Variants in WRAP73 observed in about 807,000 individuals in gnomAD.
WRAP73 encodes the protein WD repeat-containing protein WRAP73.
A neutral mutation model predicts 59.6 loss-of-function variants in WRAP73; 55 were observed. The ratio of observed to expected loss-of-function variants is 0.92; its 90% CI spans 0.74 to 1.15. The LOEUF (loss-of-function observed/expected upper bound fraction) is 1.15. WRAP73 is among the 50% of genes most tolerant of loss of function. The pLI is 0.00. For missense variants in WRAP73, 592 were observed against 608.1 expected, an observed-to-expected ratio of 0.97 and a Z score of 0.28; for synonymous variants, 265 against 258.2, an observed-to-expected ratio of 1.03 and a Z score of -0.25.
At chr1:3,633,058 G>A (rs768319549) in intron 9 of WRAP73, 9 of 300,190 alleles carry the variant, frequency 3.0e-5, no homozygotes, top group East Asian at 1.1e-4. Flanking sequence ...CGGGAGCACC[G>A]CCGGGTTCCA....
chr1:3,634,399 G>A (rs749076623), intron 8 of WRAP73: 8 of 162,782 alleles, frequency 4.9e-5, no homozygotes, highest in Non-Finnish European at 1.1e-4. Context: ...CGCAGTGCCC[G>A]CTGCACACAT....
In WRAP73 at chr1:3,631,625, T is replaced by C. The variant is rs1557452803; in HGVS notation, c.1081A>G (p.Ile361Val). 1.2e-6 allele frequency: 2 copies of C among 1,601,840 alleles called. No individual in the cohort carries two copies. The highest frequency in any genetic ancestry group is 1.7e-5 in the Admixed American group (1 of 59,950). ...ACCGCGAACAGCCTCAGCTTCTGAATGTCCCAGACCCAGACGGCATTGGGA... is the reference window on the plus strand; with the variant it reads ...ACCGCGAACAGCCTCAGCTTCTGAACGTCCCAGACCCAGACGGCATTGGGA... ...NIPNAVWVWD[I>V]QKLRLFAVLE... The change falls in exon 11 of 12, where the codon ATT becomes GTT. Residue 361 changes from isoleucine to valine, a missense_variant. Coordinates refer to ENST00000270708, the MANE Select transcript of WRAP73 (RefSeq NM_017818.4).
intron 3 of WRAP73, among the ~76,000 whole-genome samples, chr1:3,643,153 G>C (rs539139489): frequency 3.3e-5 from 5 of 152,358 alleles, no homozygotes; most frequent in African/African-American, 1.2e-4. Flanking sequence ...AAGGCCCAGC[G>C]ATGCCTGTCA....
chr1:3,645,509 G>A (rs1302440320), intron 3 of WRAP73, among the ~76,000 whole-genome samples: 9 of 151,310 alleles, frequency 5.9e-5, no homozygotes, highest in African/African-American at 2.2e-4. Context: ...GCAGCGGGAT[G>A]GGCGGGTTGC....
Position 3,632,297 on chromosome 1 carries a change from G to A in WRAP73, c.964C>T (p.Pro322Ser), listed in dbSNP as rs1416131251. Residue 322 changes from proline (P) to serine (S), a missense_variant, in exon 10 of 12, where the codon CCT (proline) becomes TCT (serine). By Grantham distance (74) the Pro-to-Ser change is moderately conservative. Coordinates refer to ENST00000270708, the MANE Select transcript of WRAP73 (RefSeq NM_017818.4). ...SVPVSLQTLK[P>S]VTDRANPKIG... ...TTCGGGTTTGCTCTGTCGGTAACAG[G>A]TTTCAGTGTCTGTAAGGAGACTGGG... The A allele has an allele frequency of 1.2e-6, 2 of 1,614,186 alleles. No individual in the cohort carries two copies. The highest frequency in any genetic ancestry group is 1.7e-6 in the Non-Finnish European group (2 of 1,180,032).
At chr1:3,632,392 C>A in intron 9 of WRAP73, 54 bp from the exon 10 acceptor site, 2 of 1,612,830 alleles carry the variant, frequency 1.2e-6, no homozygotes, top group East Asian at 2.2e-5. Flanking sequence ...GAAGTACGCA[C>A]GCGGCTGAGA....
At chr1:3,645,384 C>A (rs541804285) in intron 3 of WRAP73, among the ~76,000 whole-genome samples, 1 of 134,504 alleles carries the variant, frequency 7.4e-6, no homozygotes, top group African/African-American at 3.5e-5. Flanking sequence ...GTGTGCGTGG[C>A]GCAGCGGGAC....
intron 1 of WRAP73, among the ~76,000 whole-genome samples, chr1:3,648,835 T>C (rs1644714235): frequency 6.6e-6 from 1 of 152,216 alleles, no homozygotes; most frequent in Non-Finnish European, 1.5e-5. Context: ...ATTGAAAATA[T>C]ACCAAGGCTG....
At chr1:3,636,634 G>A (rs1206716347) in intron 5 of WRAP73, 2 of 374,800 alleles carry the variant, frequency 5.3e-6, no homozygotes, top group East Asian at 6.7e-5. Context: ...TCTGTGCCTG[G>A]GCACCTGGCA....
At chr1:3,631,425 C>A (rs186398457) in intron 11 of WRAP73, 41 bp downstream of exon 11, 1 of 1,552,486 alleles carries the variant, frequency 6.4e-7, no homozygotes, top group Non-Finnish European at 8.7e-7. Flanking sequence ...AGACTGCACA[C>A]AGCAAGGCTG....
intron 3 of WRAP73, among the ~76,000 whole-genome samples, chr1:3,645,558 C>CCCGT (rs1644682717): frequency 6.6e-6 from 1 of 151,966 alleles, no homozygotes; most frequent in African/African-American, 2.4e-5. Flanking sequence ...GGCGGGTTAC[C>CCCGT]GAGGTGCAGC....
chr1:3,647,296 G>T (rs1306758623), intron 2 of WRAP73, 112 bp downstream of exon 2: 117 of 1,165,242 alleles, frequency 1.0e-4, no homozygotes, highest in Non-Finnish European at 2.3e-6. Context: ...AAGAAAACTG[G>T]CTTTGAGCTG....
At chr1:3,643,094 G>A (rs1483160383) in intron 3 of WRAP73, among the ~76,000 whole-genome samples, 3 of 152,252 alleles carry the variant, frequency 2.0e-5, no homozygotes. Context: ...CCGTGGTGAC[G>A]CACACGTCCA....
intron 10 of WRAP73, 187 bp downstream of exon 10, chr1:3,632,026 C>A (rs934328519): frequency 2.0e-6 from 3 of 1,477,154 alleles, no homozygotes; most frequent in Non-Finnish European, 2.7e-6. Flanking sequence ...CGCGGACCTG[C>A]GGCTGCTGCA....
intron 3 of WRAP73, among the ~76,000 whole-genome samples, chr1:3,645,183 G>T (rs572157527): frequency 6.6e-6 from 1 of 152,328 alleles, no homozygotes; most frequent in African/African-American, 2.4e-5. Context: ...AACCCTCATG[G>T]CTGGATAAAA....
At chr1:3,645,498 C>T (rs1372020755) in intron 3 of WRAP73, among the ~76,000 whole-genome samples, 3 of 146,628 alleles carry the variant, frequency 2.0e-5, no homozygotes, top group Non-Finnish European at 4.5e-5. Context: ...GTGTGCGCGG[C>T]GCAGCGGGAT....
Position 3,646,932 on chromosome 1 carries a change from A to G in WRAP73, c.223-150T>C. The stretch of plus-strand genomic sequence containing the variant: ...CTATAGCGAGGCCTCGCCGAGAGAC[A>G]ACTCCCTTAAAACCAGCAGAGACCC... On this transcript the variant is annotated intron_variant, in intron 2 of 11. Coordinates refer to ENST00000270708, the MANE Select transcript of WRAP73 (RefSeq NM_017818.4). The surrounding 1 kb of genome is among the most constrained non-coding windows in gnomAD (Gnocchi z 5.1). The G allele has an allele frequency of 3.5e-6, 2 of 573,976 alleles. No homozygotes were observed. Among genetic ancestry groups the G allele is most frequent in the East Asian group, 3.0e-5 (1 of 33,452 alleles). 35.6% of individuals were successfully genotyped at this position (573,976 alleles called of 1,614,324 possible).
In WRAP73 at chr1:3,645,376, G is replaced by C. The variant is rs1644679401; in HGVS notation, c.339+1290C>G. ...CGGGATGGGCGGGTTGCCCCGTGGT[G>C]TGCGTGGCGCAGCGGGACGGGCGGG... On this transcript the variant is annotated intron_variant, in intron 3 of 11. Transcript: ENST00000270708. 6.8e-5 allele frequency among the ~76,000 whole-genome samples: 7 copies of C among 102,874 alleles called. No homozygotes were observed. The South Asian group carries it at 2.4e-3, about 36-fold the overall frequency. 67.5% of individuals were successfully genotyped at this position (102,874 alleles called of 152,430 possible).
At position 3,637,021 on chromosome 1, in the gene WRAP73, C is replaced by A. The variant is rs138221132; in HGVS notation, c.490G>T (p.Val164Phe). The A allele has an allele frequency of 3.7e-6, 6 of 1,613,642 alleles. No homozygotes were observed. The highest frequency in any genetic ancestry group is 5.1e-6 in the Non-Finnish European group (6 of 1,180,010). The stretch of plus-strand genomic sequence containing the variant: ...CGCAGGAGCTGCCAATCACTGCAGA[C>A]GAAGATGCTCACGTAATCTTTGCAG... ...RDCKDYVSIF[V>F]CSDWQLLRHF... Residue 164 changes from valine (V) to phenylalanine (F), a missense_variant, in exon 5 of 12, where the codon GTC becomes TTC. By Grantham distance (50) the Val-to-Phe change is conservative. Coordinates refer to ENST00000270708, the MANE Select transcript of WRAP73 (RefSeq NM_017818.4).
Sources: gnomAD v4.1 joint callset for allele counts (sites outside exome capture counted in the v4.1 genomes callset) on GRCh38, gnomAD v4.1.1 for gene constraint, Gnocchi (gnomAD v3.1) non-coding constraint, MANE v1.5 for transcripts, NCBI Gene and HGNC (gene_info 2026-07-23, HGNC 2026-07-21) for gene names.